The following NECAB1 variants were observed in gnomAD, a reference collection of about 807,000 sequenced individuals.
The protein encoded by NECAB1 is N-terminal EF-hand calcium-binding protein 1.
Under a neutral mutation model 57.5 loss-of-function variants are expected in NECAB1, and 29 were observed. The observed-to-expected ratio is 0.50, with a 90% CI of 0.38 to 0.69. The LOEUF is 0.69. Among genes scored for constraint, NECAB1 ranks in the 30% least tolerant of loss-of-function variants. The probability of loss-of-function intolerance (pLI) is 0.00; values close to 1 mark genes in which losing one functional copy is unlikely to be tolerated. For synonymous variants in NECAB1, 142 were observed against 147.7 expected (o/e 0.96, Z 0.28); for missense variants, 372 against 413.8 (o/e 0.90, Z 0.88).
chr8:90,925,478 T>C, intron 6 of NECAB1, 57 bp from the exon 7 acceptor site: 1 of 1,583,584 alleles, frequency 6.3e-7, no homozygotes, highest in Non-Finnish European at 8.6e-7. Flanking sequence ...ATCTCTTCCC[T>C]GAAGGAAGAG....
At chr8:90,924,849 G>A (rs1161002182) in intron 6 of NECAB1, among the ~76,000 whole-genome samples, 1 of 151,882 alleles carries the variant, frequency 6.6e-6, no homozygotes, top group East Asian at 1.9e-4. Context: ...AATAGATAAA[G>A]CCTAAAACTA....
chr8:90,959,144 G>T lies in NECAB1; in HGVS notation c.*3632G>T. The T allele has an allele frequency of 2.0e-6, 1 of 496,360 alleles. No homozygotes were observed. Among genetic ancestry groups the T allele is most frequent in the Non-Finnish European group, 3.5e-6 (1 of 287,056 alleles). The allele number at this position is 496,360 out of a possible 1,614,324, so 30.7% of individuals were successfully genotyped here. ...CAGGTGTTTACAGATTTAAATGCAT[G>T]TTACCATAGAAACTATTAAAGTAAC... is the stretch of plus-strand genomic sequence containing the variant. On this transcript the variant is annotated 3_prime_UTR_variant, in exon 13 of 13. Coordinates refer to ENST00000417640, the MANE Select transcript of NECAB1 (RefSeq NM_022351.5).
chr8:90,903,713 A>G (rs1223212153), intron 5 of NECAB1, among the ~76,000 whole-genome samples: 1 of 152,248 alleles, frequency 6.6e-6, no homozygotes, highest in Non-Finnish European at 1.5e-5. Flanking sequence ...CAAACTAAAA[A>G]TAATGGATAG....
intron 3 of NECAB1, among the ~76,000 whole-genome samples, chr8:90,832,472 A>T (rs938347011): frequency 1.6e-4 from 24 of 152,146 alleles, no homozygotes; most frequent in African/African-American, 5.5e-4. Flanking sequence ...ATTCTTAGTT[A>T]TAATTTTTTG....
intron 3 of NECAB1, among the ~76,000 whole-genome samples, chr8:90,846,927 G>T (rs959853349): frequency 3.3e-5 from 5 of 152,056 alleles, no homozygotes; most frequent in Admixed American, 6.6e-5. Flanking sequence ...ATGAGATTTG[G>T]GTGGGGACAC....
At chr8:90,851,069 G>C (rs1013374585) in intron 3 of NECAB1, among the ~76,000 whole-genome samples, 31 of 152,122 alleles carry the variant, frequency 2.0e-4, no homozygotes, top group African/African-American at 6.8e-4. Context: ...TATATAATGA[G>C]GCCTCCATGA....
chr8:90,847,527 C>A lies in NECAB1; in HGVS notation c.233+22702C>A, dbSNP rs747456425. On this transcript the variant is annotated intron_variant, in intron 3 of 12. Transcript: ENST00000417640. ...CACTAGGCAGTGCCTCAGGTGGGGA[C>A]TTTGTGTGGGGGCTACAACCCCACA... Among the ~76,000 whole-genome samples, 43 of 152,374 alleles carry A rather than the reference C, an allele frequency of 2.8e-4. 1 individual carries two copies. Among genetic ancestry groups the A allele is most frequent in the South Asian group, 1.0e-3 (5 of 4,832 alleles).
intron 3 of NECAB1, among the ~76,000 whole-genome samples, chr8:90,862,716 G>A (rs1214001106): frequency 6.6e-6 from 1 of 152,024 alleles, no homozygotes; most frequent in African/African-American, 2.4e-5. Context: ...ATATTTTGAG[G>A]GGATAAATTA....
intron 4 of NECAB1, among the ~76,000 whole-genome samples, chr8:90,876,032 A>G (rs1808721179): frequency 6.6e-6 from 1 of 152,030 alleles, no homozygotes; most frequent in Admixed American, 6.5e-5. Context: ...TAATAAATAA[A>G]GTAAAGTAAA....
chr8:90,818,088 T>C (rs1040012836), intron 2 of NECAB1, among the ~76,000 whole-genome samples: 2 of 149,758 alleles, frequency 1.3e-5, no homozygotes, highest in South Asian at 2.1e-4. Flanking sequence ...GAGTTGTTCA[T>C]AGTACTACTT....
chr8:90,866,731 A>G (rs1172726117), intron 3 of NECAB1, among the ~76,000 whole-genome samples: 4 of 152,196 alleles, frequency 2.6e-5, no homozygotes, highest in African/African-American at 9.7e-5. Context: ...TAGAATGGCA[A>G]TCATTAAACA....
chr8:90,930,436 T>G (rs894034582), intron 8 of NECAB1, among the ~76,000 whole-genome samples: 1 of 152,172 alleles, frequency 6.6e-6, no homozygotes, highest in Non-Finnish European at 1.5e-5. Flanking sequence ...GTGTTTTTGA[T>G]GTATGAATTT....
intron 12 of NECAB1, among the ~76,000 whole-genome samples, chr8:90,952,419 A>G (rs1355414450): frequency 1.3e-5 from 2 of 152,150 alleles, no homozygotes; most frequent in South Asian, 4.2e-4. Context: ...GGAAACCAAA[A>G]GAGTAAAATG....
At chr8:90,859,761 A>G (rs1433471363) in intron 3 of NECAB1, among the ~76,000 whole-genome samples, 2 of 152,324 alleles carry the variant, frequency 1.3e-5, no homozygotes, top group Non-Finnish European at 2.9e-5. Flanking sequence ...TTTCAGCACT[A>G]CTCAGCCAAT....
At chr8:90,840,103 T>C (rs538561823) in intron 3 of NECAB1, among the ~76,000 whole-genome samples, 1 of 152,254 alleles carries the variant, frequency 6.6e-6, no homozygotes, top group African/African-American at 2.4e-5. Context: ...ACAATAATAA[T>C]AACAACAACA....
At chr8:90,848,509 A>T (rs1188781781) in intron 3 of NECAB1, among the ~76,000 whole-genome samples, 1 of 152,024 alleles carries the variant, frequency 6.6e-6, no homozygotes, top group Non-Finnish European at 1.5e-5. Context: ...GTTCATTTTC[A>T]CACTACTAAT....
At chr8:90,851,933 C>T (rs2129779012) in intron 3 of NECAB1, among the ~76,000 whole-genome samples, 1 of 152,204 alleles carries the variant, frequency 6.6e-6, no homozygotes, top group East Asian at 1.9e-4. Flanking sequence ...ACCTGTGCAT[C>T]CCTCCCCACC....
chr8:90,795,930 C>T (rs1173909026), intron 1 of NECAB1, among the ~76,000 whole-genome samples: 2 of 152,146 alleles, frequency 1.3e-5, no homozygotes, highest in Non-Finnish European at 2.9e-5. Context: ...ACCACCATAG[C>T]ACACGTTTAC....
intron 1 of NECAB1, among the ~76,000 whole-genome samples, chr8:90,794,771 A>G (rs1033961268): frequency 1.3e-5 from 2 of 152,246 alleles, no homozygotes; most frequent in African/African-American, 2.4e-5. Flanking sequence ...TTGAAGTATT[A>G]TGGTTATTTC....
Sources: allele counts gnomAD v4.1 joint callset (sites outside exome capture counted in the v4.1 genomes callset), GRCh38; gene constraint gnomAD v4.1.1; transcripts MANE v1.5; gene names NCBI Gene and HGNC (gene_info 2026-07-23, HGNC 2026-07-21).